Variants in MICOS10 observed in about 807,000 individuals in gnomAD.
The protein encoded by MICOS10 is mitochondrial contact site and cristae organizing system subunit 10.
In MICOS10, 5 loss-of-function variants were observed where a neutral mutation model predicts 13.4. The ratio of observed to expected loss-of-function variants is 0.37; its 90% CI spans 0.20 to 0.78. MICOS10 has a LOEUF of 0.78. Ranked by LOEUF, MICOS10 falls within the 30% of genes least tolerant of loss-of-function variation. The pLI, the probability that MICOS10 is intolerant of heterozygous loss-of-function variation, is 0.47. For synonymous variants in MICOS10, 35 were observed against 33.6 expected, an observed-to-expected ratio of 1.04 and a Z score of -0.15; for missense variants, 101 against 94.6, an observed-to-expected ratio of 1.07 and a Z score of -0.28.
intron 1 of MICOS10, chr1:19,601,379 G>A: frequency 4.9e-6 from 1 of 202,158 alleles, no homozygotes; most frequent in East Asian, 1.2e-4. Context: ...AAGAGGTCGA[G>A]ACCAGCCTGG....
At chr1:19,612,374 A>G (rs2094866812) in intron 1 of MICOS10, among the ~76,000 whole-genome samples, 2 of 151,786 alleles carry the variant, frequency 1.3e-5, no homozygotes, top group Admixed American at 1.3e-4. Context: ...AATGTATGCA[A>G]GTCCAGGGAT....
chr1:19,607,080 G>A (rs569148504), intron 1 of MICOS10, among the ~76,000 whole-genome samples: 1 of 152,322 alleles, frequency 6.6e-6, no homozygotes, highest in African/African-American at 2.4e-5. Context: ...TATCAATTAG[G>A]TTATACTTAA....
At chr1:19,622,388 A>G (rs995189895) in intron 2 of MICOS10, among the ~76,000 whole-genome samples, 1 of 152,238 alleles carries the variant, frequency 6.6e-6, no homozygotes, top group Non-Finnish European at 1.5e-5. Context: ...GTTATCCTAA[A>G]TATGATATCA....
intron 1 of MICOS10, among the ~76,000 whole-genome samples, chr1:19,611,537 A>C (rs1401121356): frequency 4.3e-5 from 6 of 139,640 alleles, no homozygotes. Context: ...ACCGTGGCAC[A>C]ATCACATCTC....
At chr1:19,620,875 G>A (rs2094900895) in intron 1 of MICOS10, among the ~76,000 whole-genome samples, 1 of 152,228 alleles carries the variant, frequency 6.6e-6, no homozygotes, top group African/African-American at 2.4e-5. Flanking sequence ...CAGGCATGGA[G>A]TCAGAGGGAC....
chr1:19,604,030 A>G (rs1441266789), intron 1 of MICOS10, among the ~76,000 whole-genome samples: 1 of 152,242 alleles, frequency 6.6e-6, no homozygotes, highest in Non-Finnish European at 1.5e-5. Flanking sequence ...AGTGGCATAC[A>G]CAGTCATTTT....
At chr1:19,605,214 A>G (rs2094830374) in intron 1 of MICOS10, among the ~76,000 whole-genome samples, 1 of 152,186 alleles carries the variant, frequency 6.6e-6, no homozygotes, top group Non-Finnish European at 1.5e-5. Flanking sequence ...AAGATGAGGC[A>G]GGAAAGGTGG....
intron 2 of MICOS10, among the ~76,000 whole-genome samples, chr1:19,622,956 T>C (rs1367905875): frequency 1.3e-5 from 2 of 148,838 alleles, no homozygotes; most frequent in African/African-American, 5.0e-5. Context: ...GGAGTCTTGC[T>C]CTGTCGCCAG....
intron 3 of MICOS10, chr1:19,625,677 G>C: frequency 7.9e-7 from 1 of 1,264,284 alleles, no homozygotes; most frequent in East Asian, 5.7e-5. Flanking sequence ...TGAGTTGTCA[G>C]GGATAATGGC....
rs921336049 is a variant in MICOS10 at position 19,628,001 on chromosome 1, A to G, written c.*1600A>G. ...TTTTTCACTTGGTCCTCTTCATTCT[A>G]TGATTAAGGCAACCCATATAATTGA... On this transcript the variant is annotated 3_prime_UTR_variant, in exon 4 of 4. Transcript: ENST00000322753. The G allele has an allele frequency of 2.6e-5, 4 of 152,182 alleles. No individual in the cohort carries two copies. Among genetic ancestry groups the G allele is most frequent in the Non-Finnish European group, 4.4e-5 (3 of 68,066 alleles). 9.4% of individuals were successfully genotyped at this position (152,182 alleles called of 1,614,324 possible). A position where few individuals can be genotyped will look rare whatever the true frequency, so the allele number is the denominator to read the frequency against.
chr1:19,601,764 A>G (rs2094816141), intron 1 of MICOS10, among the ~76,000 whole-genome samples: 1 of 152,162 alleles, frequency 6.6e-6, no homozygotes, highest in African/African-American at 2.4e-5. Context: ...ATTAAAACCC[A>G]TCTTTCTCTT....
At chr1:19,626,313 C>G in intron 3 of MICOS10, 74 bp from the exon 4 acceptor site, 1 of 1,597,066 alleles carries the variant, frequency 6.3e-7, no homozygotes, top group Non-Finnish European at 8.6e-7. Context: ...TTGGGTCTGA[C>G]CTGATACAGC....
At chr1:19,611,970 C>CTAAAAAAAA (rs2094864129) in intron 1 of MICOS10, among the ~76,000 whole-genome samples, 1 of 91,370 alleles carries the variant, frequency 1.1e-5, no homozygotes, top group African/African-American at 4.7e-5. Flanking sequence ...GGCTCCATCT[C>CTAAAAAAAA]AAAAAAAAAA....
At chr1:19,625,082 GT>G (rs935156676) in intron 3 of MICOS10, among the ~76,000 whole-genome samples, 4 of 152,266 alleles carry the variant, frequency 2.6e-5, no homozygotes, top group African/African-American at 7.2e-5. Context: ...ATCTTAAGTT[GT>G]TTCACTTCTG....
chr1:19,611,898 G>A (rs1291731534), intron 1 of MICOS10, among the ~76,000 whole-genome samples: 1 of 149,368 alleles, frequency 6.7e-6, no homozygotes, highest in African/African-American at 2.5e-5. Context: ...CTTGAACCTG[G>A]AAGGTAGAGG....
chr1:19,623,212 C>CGT (rs1375963446), intron 2 of MICOS10, among the ~76,000 whole-genome samples: 2 of 152,262 alleles, frequency 1.3e-5, no homozygotes, highest in Admixed American at 1.3e-4. Flanking sequence ...TGAGCCACCG[C>CGT]GCCTGGCCTT....
At chr1:19,600,346 T>C (rs550461314) in intron 1 of MICOS10, among the ~76,000 whole-genome samples, 2 of 152,312 alleles carry the variant, frequency 1.3e-5, no homozygotes, top group African/African-American at 4.8e-5. Flanking sequence ...AGGGAGGCTT[T>C]AGTCTGAGTC....
At chr1:19,626,119 C>T (rs753367872) in intron 3 of MICOS10, among the ~76,000 whole-genome samples, 4 of 152,182 alleles carry the variant, frequency 2.6e-5, no homozygotes, top group African/African-American at 4.8e-5. Context: ...GGGACGCCTT[C>T]GACAGGTTTT....
intron 1 of MICOS10, among the ~76,000 whole-genome samples, chr1:19,616,066 G>A (rs1186882203): frequency 2.6e-5 from 4 of 152,006 alleles, no homozygotes; most frequent in East Asian, 1.9e-4. Flanking sequence ...CTACAGGCGC[G>A]TGCCACCGCC....
Sources: gnomAD v4.1 joint callset for allele counts (sites outside exome capture counted in the v4.1 genomes callset) on GRCh38, gnomAD v4.1.1 for gene constraint, MANE v1.5 for transcripts, NCBI Gene and HGNC (gene_info 2026-07-23, HGNC 2026-07-21) for gene names.